Variants in DIP2B observed in about 807,000 individuals in gnomAD.
DIP2B encodes the protein disco-interacting protein 2 homolog B.
Under a neutral mutation model 198.0 loss-of-function variants are expected in DIP2B, and 76 were observed. That is an observed-to-expected ratio of 0.38 (90% CI 0.32 to 0.46). The LOEUF is 0.46. Ranked by LOEUF, DIP2B falls within the 20% of genes least tolerant of loss-of-function variation. The pLI is 0.99. For missense variants in DIP2B, 1,559 were observed against 1,978.4 expected, an observed-to-expected ratio of 0.79 and a Z score of 4.02; for synonymous variants, 701 against 739.1, an observed-to-expected ratio of 0.95 and a Z score of 0.84.
chr12:50,556,370 C>T (rs149964828), intron 1 of DIP2B, among the ~76,000 whole-genome samples: 7 of 152,198 alleles, frequency 4.6e-5, no homozygotes, highest in East Asian at 1.9e-4. Flanking sequence ...CCATCGAGCC[C>T]GGCCGACTCC....
intron 25 of DIP2B, among the ~76,000 whole-genome samples, chr12:50,719,743 A>G (rs1002896798): frequency 2.6e-5 from 4 of 151,680 alleles, no homozygotes; most frequent in Non-Finnish European, 4.4e-5. Context: ...CGGGAGGCCG[A>G]GGCAGGAGAA....
In DIP2B at chr12:50,745,932, G is replaced by A. The variant is rs1007868450; in HGVS notation, c.*1093G>A. On this transcript the variant is annotated 3_prime_UTR_variant, in exon 38 of 38. Coordinates refer to ENST00000301180, the MANE Select transcript of DIP2B (RefSeq NM_173602.3). ...AGTGTCCTCTGTTCTTCCAGTTCAC[G>A]AGGGCAGGGGGTTTAAAACAAGAAT... 5 of 152,136 alleles carry A rather than the reference G, an allele frequency of 3.3e-5. No homozygotes were observed. Among genetic ancestry groups the A allele is most frequent in the Non-Finnish European group, 7.3e-5 (5 of 68,064 alleles). 9.4% of individuals were successfully genotyped at this position (152,136 alleles called of 1,614,324 possible). A position where few individuals can be genotyped will look rare whatever the true frequency, so the allele number is the denominator to read the frequency against.
chr12:50,602,090 A>G (rs1275892243), intron 1 of DIP2B, among the ~76,000 whole-genome samples: 1 of 152,164 alleles, frequency 6.6e-6, no homozygotes, highest in Admixed American at 6.5e-5. Flanking sequence ...GGTTCATGTA[A>G]TTCAAACCTC....
intron 22 of DIP2B, among the ~76,000 whole-genome samples, chr12:50,712,570 C>CTTCA (rs1362740497): frequency 6.6e-6 from 1 of 151,640 alleles, no homozygotes; most frequent in Non-Finnish European, 1.5e-5. Flanking sequence ...CGCCACTGCA[C>CTTCA]TTCAGCCTGG....
chr12:50,643,521 C>T (rs933723231), intron 3 of DIP2B, among the ~76,000 whole-genome samples: 6 of 148,716 alleles, frequency 4.0e-5, no homozygotes, highest in African/African-American at 1.5e-4. Flanking sequence ...ATTTAAAAAC[C>T]CTGAAGATAT....
At position 50,731,282 on chromosome 12, in the gene DIP2B, G is replaced by C. The variant is rs138135260; in HGVS notation, c.3642-87G>C. On this transcript the variant is annotated intron_variant, in intron 30 of 37. Coordinates refer to ENST00000301180, the MANE Select transcript of DIP2B (RefSeq NM_173602.3). ...GTCCCTACACTGTCCTTTACACTCA[G>C]TAAATATCTGTGGAATTGGTGGGGT... The C allele has an allele frequency of 2.0e-6, 3 of 1,504,564 alleles. No individual in the cohort carries two copies. In the East Asian group the frequency reaches 6.8e-5, roughly 34 times the overall value. 93.2% of individuals were successfully genotyped at this position (1,504,564 alleles called of 1,614,324 possible).
intron 1 of DIP2B, among the ~76,000 whole-genome samples, chr12:50,543,924 T>TAAA (rs781505789): frequency 0.014 from 1,443 of 101,104 alleles, 42 homozygotes; most frequent in East Asian, 0.066. Context: ...ACTCAGCCTT[T>TAAA]AAAAAAAAAA....
At chr12:50,574,420 G>C (rs887809825) in intron 1 of DIP2B, among the ~76,000 whole-genome samples, 3 of 152,194 alleles carry the variant, frequency 2.0e-5, no homozygotes, top group Non-Finnish European at 2.9e-5. Context: ...GAGCCAAATT[G>C]GTTTGCTAAG....
chr12:50,743,951 C>A (rs145948499), intron 37 of DIP2B, among the ~76,000 whole-genome samples: 1 of 152,226 alleles, frequency 6.6e-6, no homozygotes, highest in Non-Finnish European at 1.5e-5. Flanking sequence ...CTTCTCTGTG[C>A]CCTGGGCTAC....
chr12:50,615,644 G>T lies in DIP2B; in HGVS notation c.101-10332G>T, dbSNP rs1204458603. On this transcript the variant is annotated intron_variant, in intron 1 of 37. Transcript: ENST00000301180. Reference sequence around the variant, plus strand: ...TTCTTAGGACTTAAGGGTGGGGTTGGGGCTGGGGAGTTGTCAACTAAAACA... The same window carrying T: ...TTCTTAGGACTTAAGGGTGGGGTTGTGGCTGGGGAGTTGTCAACTAAAACA... 1.3e-5 allele frequency among the ~76,000 whole-genome samples: 2 copies of T among 152,152 alleles called. 1 individual carries two copies. Among genetic ancestry groups the T allele is most frequent in the Middle Eastern group, 6.3e-3 (2 of 316 alleles).
chr12:50,559,313 C>CTTTTTTTTTT (rs11301460), intron 1 of DIP2B, among the ~76,000 whole-genome samples: 2 of 123,040 alleles, frequency 1.6e-5, no homozygotes, highest in African/African-American at 3.0e-5. Context: ...AATTATTTGT[C>CTTTTTTTTTT]TTTTTTTTTT....
At chr12:50,505,580 G>A (rs1394353067) in intron 1 of DIP2B, among the ~76,000 whole-genome samples, 1 of 152,140 alleles carries the variant, frequency 6.6e-6, no homozygotes, top group Non-Finnish European at 1.5e-5. Flanking sequence ...TGAGGGGTAG[G>A]GCTGCGAGGA....
At chr12:50,542,261 A>AAG (rs1473125671) in intron 1 of DIP2B, among the ~76,000 whole-genome samples, 1 of 151,350 alleles carries the variant, frequency 6.6e-6, no homozygotes, top group African/African-American at 2.4e-5. Context: ...AAAAAAAAAA[A>AAG]AAAAGAAAAA....
At chr12:50,509,734 A>G (rs1016042911) in intron 1 of DIP2B, among the ~76,000 whole-genome samples, 2 of 152,164 alleles carry the variant, frequency 1.3e-5, no homozygotes, top group African/African-American at 2.4e-5. Flanking sequence ...GGGCAGTTAG[A>G]CTTAAGCCAC....
In DIP2B at chr12:50,692,968, CT is replaced by C; in HGVS notation, c.1676del (p.Leu559Ter). 1.2e-6 allele frequency: 2 copies of C among 1,610,460 alleles called. No individual in the cohort carries two copies. The highest frequency in any genetic ancestry group is 1.7e-6 in the Non-Finnish European group (2 of 1,179,132). On this transcript the variant is annotated frameshift_variant, in exon 14 of 38. Coordinates refer to ENST00000301180, the MANE Select transcript of DIP2B (RefSeq NM_173602.3). LOFTEE classifies it high-confidence loss of function. ...YSEGETIVNV[L>X]DFKKDAGLWH... ...TTTTAGGGGAAACAATAGTAAATGT[CT>C]TAGACTTTAAGAAGGATGCTGGGCT...
In DIP2B at chr12:50,505,179, G is replaced by T; in HGVS notation, c.39G>T (p.Val13=). 1 of 1,526,308 alleles carries T rather than the reference G, an allele frequency of 6.6e-7. No individual in the cohort carries two copies. 94.5% of individuals were successfully genotyped at this position (1,526,308 alleles called of 1,614,324 possible). ...ERGLEPSPAA[V]AALPPEVRAQ... is the part of the protein sequence containing the mutation. Reference sequence around the variant, plus strand: ...GCCTGGAGCCGTCGCCGGCCGCGGTGGCGGCGCTGCCGCCTGAAGTGCGGG... The same window carrying T: ...GCCTGGAGCCGTCGCCGGCCGCGGTTGCGGCGCTGCCGCCTGAAGTGCGGG... The change falls in exon 1 of 38, where the codon GTG becomes GTT. Residue 13 remains valine, a synonymous_variant. Coordinates refer to ENST00000301180, the MANE Select transcript of DIP2B (RefSeq NM_173602.3).
At chr12:50,653,771 A>G (rs973139290) in intron 3 of DIP2B, among the ~76,000 whole-genome samples, 2 of 150,044 alleles carry the variant, frequency 1.3e-5, no homozygotes, top group Non-Finnish European at 3.0e-5. Context: ...AATTTTGTTG[A>G]TCTTTTCAAA....
chr12:50,669,478 A>C (rs564954504), intron 4 of DIP2B, among the ~76,000 whole-genome samples: 1 of 152,320 alleles, frequency 6.6e-6, no homozygotes, highest in African/African-American at 2.4e-5. Context: ...GCTGGAGGGC[A>C]GTGATGCTAT....
chr12:50,703,978 C>T (rs527590284), intron 19 of DIP2B, among the ~76,000 whole-genome samples, 162 bp from the exon 20 acceptor site: 2 of 150,810 alleles, frequency 1.3e-5, no homozygotes, highest in African/African-American at 4.9e-5. Flanking sequence ...GAGAGGTAAA[C>T]AATAAATTGT....
Sources: allele counts gnomAD v4.1 joint callset (sites outside exome capture counted in the v4.1 genomes callset), GRCh38; gene constraint gnomAD v4.1.1; transcripts MANE v1.5; gene names NCBI Gene and HGNC (gene_info 2026-07-23, HGNC 2026-07-21).